WWC1: variants seen among roughly 807,000 people sequenced by gnomAD.
WWC1 encodes protein KIBRA.
In WWC1, 55 loss-of-function variants were observed where a neutral mutation model predicts 138.4. The ratio of observed to expected loss-of-function variants is 0.40; its 90% CI spans 0.32 to 0.50. The LOEUF is 0.50. Ranked by LOEUF, WWC1 falls within the 20% of genes least tolerant of loss-of-function variation. The pLI, the probability that WWC1 is intolerant of heterozygous loss-of-function variation, is 0.72. For missense variants in WWC1, 1,226 were observed against 1,420.4 expected (o/e 0.86, Z 2.20); for synonymous variants, 524 against 564.9 (o/e 0.93, Z 1.03).
chr5:168,308,781 C>T (rs1203686869), intron 1 of WWC1, among the ~76,000 whole-genome samples: 1 of 152,100 alleles, frequency 6.6e-6, no homozygotes, highest in Non-Finnish European at 1.5e-5. Context: ...ATGTAGAGAC[C>T]CAGCTAGAAT....
chr5:168,406,843 G>A (rs963168843), intron 6 of WWC1, among the ~76,000 whole-genome samples: 1 of 152,098 alleles, frequency 6.6e-6, no homozygotes, highest in African/African-American at 2.4e-5. Flanking sequence ...TCGGGAGGCT[G>A]AGGCAGGAGA....
intron 3 of WWC1, among the ~76,000 whole-genome samples, chr5:168,392,025 A>C (rs1170358233): frequency 2.6e-5 from 4 of 151,982 alleles, no homozygotes; most frequent in Non-Finnish European, 5.9e-5. Flanking sequence ...GGAATGGGTA[A>C]AGGTTGTTTC....
intron 3 of WWC1, among the ~76,000 whole-genome samples, chr5:168,394,166 G>A (rs561315241): frequency 6.6e-6 from 1 of 152,234 alleles, no homozygotes; most frequent in East Asian, 1.9e-4. Flanking sequence ...AAGTAAATAA[G>A]TAATGCCGAA....
At position 168,464,709 on chromosome 5, in the gene WWC1, A is replaced by G; in HGVS notation, c.2917-20A>G. The G allele has an allele frequency of 1.2e-6, 2 of 1,613,906 alleles. No individual in the cohort carries two copies. Among genetic ancestry groups the G allele is most frequent in the South Asian group, 1.1e-5 (1 of 91,072 alleles). On this transcript the variant is annotated intron_variant, in intron 20 of 22. Coordinates refer to ENST00000265293, the MANE Select transcript of WWC1 (RefSeq NM_015238.3). ...TGGGCAGAGCTCTAATAACAAGAGA[A>G]GCCGTCCCCACCCCCACAGCCTTCC... is the stretch of plus-strand genomic sequence containing the variant.
intron 3 of WWC1, among the ~76,000 whole-genome samples, chr5:168,391,368 A>C (rs993117332): frequency 6.6e-6 from 1 of 152,106 alleles, no homozygotes; most frequent in African/African-American, 2.4e-5. Context: ...ATCTCTAAAA[A>C]CTAAAAAATG....
At chr5:168,427,548 A>ATTTTTTTTTT (rs34177139) in intron 11 of WWC1, among the ~76,000 whole-genome samples, 10 of 101,142 alleles carry the variant, frequency 9.9e-5, no homozygotes, top group Non-Finnish European at 1.3e-4. Flanking sequence ...CTTTTTTTTA[A>ATTTTTTTTTT]TTTTTTTTTT....
At chr5:168,382,165 T>A (rs137870354) in intron 2 of WWC1, among the ~76,000 whole-genome samples, 16 of 152,234 alleles carry the variant, frequency 1.1e-4, no homozygotes, top group African/African-American at 3.9e-4. Flanking sequence ...ACTGTACAGG[T>A]GTTTAAAAGA....
chr5:168,312,161 T>G (rs1474898181), intron 1 of WWC1, among the ~76,000 whole-genome samples: 1 of 151,558 alleles, frequency 6.6e-6, no homozygotes, highest in Non-Finnish European at 1.5e-5. Flanking sequence ...GAGGTTACAG[T>G]GACCGAGATT....
chr5:168,466,999 C>T (rs570610829), intron 21 of WWC1, among the ~76,000 whole-genome samples: 64 of 152,258 alleles, frequency 4.2e-4, no homozygotes, highest in African/African-American at 1.3e-3. Flanking sequence ...CGGTGGCTCA[C>T]GCCTGTAATC....
In WWC1 at chr5:168,430,121, C is replaced by A; in HGVS notation, c.2001-16C>A. 1 of 1,585,754 alleles carries A rather than the reference C, an allele frequency of 6.3e-7. No individual in the cohort carries two copies. The highest frequency in any genetic ancestry group is 1.1e-5 in the South Asian group (1 of 90,326). Reference sequence around the variant, plus strand: ...GTGTTACTAATAGGTACTTCATATGCCCCTTTTCATTTCAGGTATGATGAG... The same window carrying A: ...GTGTTACTAATAGGTACTTCATATGACCCTTTTCATTTCAGGTATGATGAG... On this transcript the variant is annotated splice_polypyrimidine_tract_variant and intron_variant, in intron 13 of 22. Coordinates refer to ENST00000265293, the MANE Select transcript of WWC1 (RefSeq NM_015238.3).
intron 3 of WWC1, among the ~76,000 whole-genome samples, chr5:168,396,708 G>A (rs1406887565): frequency 2.0e-5 from 3 of 151,972 alleles, no homozygotes; most frequent in African/African-American, 4.8e-5. Flanking sequence ...TCTTTGTCTA[G>A]TTTTCCTTAG....
intron 1 of WWC1, among the ~76,000 whole-genome samples, chr5:168,307,598 C>CT (rs35535200): frequency 1.1e-3 from 142 of 132,414 alleles, no homozygotes; most frequent in African/African-American, 2.9e-3. Flanking sequence ...TGATTTTACC[C>CT]TTTTTTTTTT....
At chr5:168,381,789 T>A (rs1777655587) in intron 2 of WWC1, among the ~76,000 whole-genome samples, 1 of 148,086 alleles carries the variant, frequency 6.8e-6, no homozygotes, top group Admixed American at 6.7e-5. Context: ...CTCTGCTAAT[T>A]CTAATATGCA....
chr5:168,383,425 G>A (rs1478683380), intron 2 of WWC1, among the ~76,000 whole-genome samples: 3 of 152,184 alleles, frequency 2.0e-5, no homozygotes, highest in Non-Finnish European at 4.4e-5. Context: ...TGGCAGGAAT[G>A]AGAACTTGGC....
intron 7 of WWC1, 142 bp from the exon 8 acceptor site, chr5:168,409,780 A>G (rs778922654): frequency 2.5e-6 from 2 of 794,080 alleles, no homozygotes; most frequent in Non-Finnish European, 4.3e-6. Flanking sequence ...CTTCCCTGCG[A>G]TCTGCACCGC....
chr5:168,367,775 A>G (rs1358744346), intron 1 of WWC1, among the ~76,000 whole-genome samples: 1 of 152,186 alleles, frequency 6.6e-6, no homozygotes, highest in Non-Finnish European at 1.5e-5. Flanking sequence ...AGGGAATGTC[A>G]CATACACAGC....
At chr5:168,328,426 G>A (rs527479596) in intron 1 of WWC1, among the ~76,000 whole-genome samples, 2 of 152,170 alleles carry the variant, frequency 1.3e-5, no homozygotes, top group Non-Finnish European at 2.9e-5. Context: ...AGTGGTGGAG[G>A]CACGATCTCT....
chr5:168,410,679 C>T (rs946049280), intron 8 of WWC1, among the ~76,000 whole-genome samples: 2 of 152,332 alleles, frequency 1.3e-5, no homozygotes, highest in Admixed American at 1.3e-4. Flanking sequence ...GCTGGGATTA[C>T]AGGCACGCAC....
chr5:168,437,470 T>C (rs1754341729), intron 15 of WWC1, among the ~76,000 whole-genome samples: 1 of 152,204 alleles, frequency 6.6e-6, no homozygotes, highest in Admixed American at 6.5e-5. Context: ...GCATCTTAGA[T>C]TCGATGAAAC....
Sources: allele counts gnomAD v4.1 joint callset (sites outside exome capture counted in the v4.1 genomes callset), GRCh38; gene constraint gnomAD v4.1.1; transcripts MANE v1.5; gene names NCBI Gene and HGNC (gene_info 2026-07-23, HGNC 2026-07-21).